The following LRP6 variants were observed in gnomAD, a reference collection of about 807,000 sequenced individuals.
LRP6 encodes the protein LDL receptor related protein 6.
In LRP6, 43 loss-of-function variants were observed where a neutral mutation model predicts 184.1. That is an observed-to-expected ratio of 0.23 (90% confidence interval 0.18 to 0.30). LRP6 has a LOEUF of 0.30. Ranked by LOEUF, LRP6 falls within the 10% of genes least tolerant of loss-of-function variation. The pLI is 1.00. For missense variants in LRP6, 1,571 were observed against 2,005.3 expected, an observed-to-expected ratio of 0.78 and a Z score of 4.14; for synonymous variants, 719 against 684.9, an observed-to-expected ratio of 1.05 and a Z score of -0.78.
intron 22 of LRP6, among the ~76,000 whole-genome samples, chr12:12,124,165 G>A (rs151034626): frequency 1.4e-3 from 218 of 152,226 alleles, no homozygotes; most frequent in Middle Eastern, 6.8e-3. Flanking sequence ...CCTGAGATCA[G>A]GAGTTCGAGA....
intron 12 of LRP6, among the ~76,000 whole-genome samples, chr12:12,156,160 C>A (rs994747448): frequency 6.6e-6 from 1 of 152,094 alleles, no homozygotes; most frequent in Non-Finnish European, 1.5e-5. Flanking sequence ...GGCACTGGCA[C>A]GTTGGATAGA....
rs1441918111 is a variant in LRP6 at position 12,266,985 on chromosome 12, C to CG, written c.-251_-250insC. The CG allele has an allele frequency of 5.6e-6, 3 of 532,172 alleles. No individual in the cohort carries two copies. In the African/African-American group the frequency reaches 6.2e-5, roughly 11 times the overall value. 33.0% of individuals were successfully genotyped at this position (532,172 alleles called of 1,614,324 possible). A position where few individuals can be genotyped will look rare whatever the true frequency, so the allele number is the denominator to read the frequency against. ...ATCCCGCCGCCTCCTCCCCCGGCGCCCCGCTTCCCCCGCGCAGCTCCTCAT... is the reference window on the plus strand; with the variant it reads ...ATCCCGCCGCCTCCTCCCCCGGCGCCGCCGCTTCCCCCGCGCAGCTCCTCAT... On this transcript the variant is annotated 5_prime_UTR_variant, in exon 1 of 23. An upstream open reading frame in the 5' UTR loses its in-frame stop. Transcript: ENST00000261349.
At chr12:12,155,867 C>T (rs985932033) in intron 12 of LRP6, 4 of 611,920 alleles carry the variant, frequency 6.5e-6, no homozygotes, top group Non-Finnish European at 1.2e-5. Context: ...GGTAAAACAG[C>T]GTATGTGTTT....
chr12:12,126,451 G>A (rs1434314770), intron 20 of LRP6, among the ~76,000 whole-genome samples: 1 of 152,160 alleles, frequency 6.6e-6, no homozygotes, highest in Non-Finnish European at 1.5e-5. Flanking sequence ...AGTCAGAGAG[G>A]CTTAGAGCTT....
intron 3 of LRP6, 27 bp from the exon 4 acceptor site, chr12:12,187,146 A>T (rs1431190393): frequency 2.6e-5 from 42 of 1,596,650 alleles, no homozygotes; most frequent in Non-Finnish European, 3.5e-5. Context: ...AAAAATTTAA[A>T]CTTATTTCTA....
rs1012561864 is a variant in LRP6 at position 12,227,938 on chromosome 12, C to T, written c.449+16324G>A. On this transcript the variant is annotated intron_variant, in intron 2 of 22. Coordinates refer to ENST00000261349, the MANE Select transcript of LRP6 (RefSeq NM_002336.3). ...AAACAAACAAAAGGCAAGAGGGGAG[C>T]CCTTTCTGCTTCAGTTTGCTGTTCT... Among the ~76,000 whole-genome samples the T allele has an allele frequency of 1.1e-4, 17 of 152,138 alleles. 1 individual carries two copies. The highest frequency in any genetic ancestry group is 2.1e-4 in the Non-Finnish European group (14 of 68,028).
Position 12,181,409 on chromosome 12 carries a change from C to T in LRP6, c.1007G>A (p.Arg336Lys). The change falls in exon 6 of 23, where the codon AGG becomes AAG. Residue 336 changes from arginine to lysine, a missense_variant. Arg to Lys is a conservative substitution (Grantham distance 26). Coordinates refer to ENST00000261349, the MANE Select transcript of LRP6 (RefSeq NM_002336.3). ...CAAAGAAATGCGTCTCAAGTCTGTCCTTCGAGCTAAAAGCAATAATTCTGT... is the reference window on the plus strand; with the variant it reads ...CAAAGAAATGCGTCTCAAGTCTGTCTTTCGAGCTAAAAGCAATAATTCTGT... The part of the protein sequence containing the change: ...GATELLLLAR[R>K]TDLRRISLDT... 1 of 1,419,232 alleles carries T rather than the reference C, an allele frequency of 7.0e-7. No individual in the cohort carries two copies. 87.9% of individuals were successfully genotyped at this position (1,419,232 alleles called of 1,614,324 possible).
chr12:12,146,553 G>C (rs34656615), intron 15 of LRP6, among the ~76,000 whole-genome samples: 9,161 of 152,190 alleles, frequency 0.06, 330 homozygotes, highest in Middle Eastern at 0.17. Flanking sequence ...ATCTTAAGAC[G>C]AACAAATAAT....
chr12:12,177,386 T>C (rs1313457620), intron 7 of LRP6, among the ~76,000 whole-genome samples: 1 of 152,270 alleles, frequency 6.6e-6, no homozygotes. Context: ...AAAAGAGGGA[T>C]TTTTAAAATT....
intron 1 of LRP6, among the ~76,000 whole-genome samples, chr12:12,253,770 T>G (rs753772932): frequency 1.3e-4 from 20 of 152,162 alleles, no homozygotes; most frequent in Non-Finnish European, 2.6e-4. Flanking sequence ...CATCTACAGA[T>G]AGTTTTCTGT....
chr12:12,147,446 G>A lies in LRP6; in HGVS notation c.3317C>T (p.Ala1106Val), dbSNP rs2136910579. 1.2e-6 allele frequency: 2 copies of A among 1,614,130 alleles called. No individual in the cohort carries two copies. Among genetic ancestry groups the A allele is most frequent in the South Asian group, 1.1e-5 (1 of 91,078 alleles). Residue 1106 changes from alanine to valine, a missense_variant, in exon 15 of 23, where the codon GCT becomes GTT. Around this residue, in one of 4 missense-constraint regions of LRP6, gnomAD observed 763 missense variants for 859.5 expected, o/e 0.89. Coordinates refer to ENST00000261349, the MANE Select transcript of LRP6 (RefSeq NM_002336.3). ...GCCCAGCCTGCTATCAAGGGCTAAA[G>A]CAATTGGTTTACTTAAGCCACTGAA... ...LFFSGLSKPI[A>V]LALDSRLGKL...
chr12:12,125,182 A>C, intron 21 of LRP6, 114 bp downstream of exon 21: 17 of 1,304,598 alleles, frequency 1.3e-5, no homozygotes, highest in Non-Finnish European at 1.9e-5. Context: ...TTATGCCTAA[A>C]TTTTACATTC....
chr12:12,208,068 T>C (rs1182023555), intron 2 of LRP6, among the ~76,000 whole-genome samples: 1 of 152,206 alleles, frequency 6.6e-6, no homozygotes, highest in Non-Finnish European at 1.5e-5. Flanking sequence ...CAATATAATA[T>C]ATTCATACAA....
At chr12:12,158,671 A>G (rs992138617) in intron 12 of LRP6, among the ~76,000 whole-genome samples, 158 bp downstream of exon 12, 1 of 152,182 alleles carries the variant, frequency 6.6e-6, no homozygotes. Flanking sequence ...CAAACAAGTA[A>G]TAAGTAACAA....
At chr12:12,172,247 A>G (rs1189295078) in intron 7 of LRP6, among the ~76,000 whole-genome samples, 2 of 152,222 alleles carry the variant, frequency 1.3e-5, no homozygotes, top group African/African-American at 4.8e-5. Context: ...TTGGTTTAAC[A>G]TTCTGAAATA....
chr12:12,260,377 C>CAAAAAAAAAAAAA (rs34452498), intron 1 of LRP6, among the ~76,000 whole-genome samples: 1 of 129,698 alleles, frequency 7.7e-6, no homozygotes, highest in Non-Finnish European at 1.6e-5. Flanking sequence ...GACTCCGTCT[C>CAAAAAAAAAAAAA]AAAAAAAAAA....
rs142301775 is a variant in LRP6 at position 12,170,431 on chromosome 12, T to C, written c.1546-5136A>G. 9.2e-5 allele frequency among the ~76,000 whole-genome samples: 14 copies of C among 151,542 alleles called. No individual in the cohort carries two copies. In the East Asian group the frequency reaches 2.7e-3, roughly 29 times the overall value. Reference sequence around the variant, plus strand: ...CTCAACCTGTAATCAATATTAAAATTTTATTAATGACATTTATGGTTTTTT... The same window carrying C: ...CTCAACCTGTAATCAATATTAAAATCTTATTAATGACATTTATGGTTTTTT... On this transcript the variant is annotated intron_variant, in intron 7 of 22. Coordinates refer to ENST00000261349, the MANE Select transcript of LRP6 (RefSeq NM_002336.3).
Position 12,131,895 on chromosome 12 carries a change from T to C in LRP6, c.3896A>G (p.Gln1299Arg). 1 of 1,614,214 alleles carries C rather than the reference T, an allele frequency of 6.2e-7. No individual in the cohort carries two copies. Reference sequence around the variant, plus strand: ...GCATCGGAGGGCACCATCAATACACTGCCCACTGGCACACTGGAACTGGGA... The same window carrying C: ...GCATCGGAGGGCACCATCAATACACCGCCCACTGGCACACTGGAACTGGGA... ...SESQFQCASG[Q>R]CIDGALRCNG... The change falls in exon 18 of 23, where the codon CAG (glutamine) becomes CGG (arginine). Residue 1299 changes from glutamine (Q) to arginine (R), a missense_variant. By Grantham distance (43) the Gln-to-Arg change is conservative (BLOSUM62 1). Coordinates refer to ENST00000261349, the MANE Select transcript of LRP6 (RefSeq NM_002336.3).
At chr12:12,135,625 C>A (rs532468069) in intron 16 of LRP6, among the ~76,000 whole-genome samples, 1 of 151,492 alleles carries the variant, frequency 6.6e-6, no homozygotes. Flanking sequence ...TCCCGAGTAG[C>A]TGGGATTGCA....
Sources: allele counts gnomAD v4.1 joint callset (sites outside exome capture counted in the v4.1 genomes callset), GRCh38; gene constraint gnomAD v4.1.1; regional missense constraint gnomAD v4.1.1; transcripts MANE v1.5; gene names NCBI Gene and HGNC (gene_info 2026-07-23, HGNC 2026-07-21).